SNX10: variants seen among roughly 807,000 people sequenced by gnomAD.
SNX10 encodes sorting nexin-10.
In SNX10, 25 loss-of-function variants were observed where a neutral mutation model predicts 28.5. The observed-to-expected ratio is 0.88, with a 90% confidence interval of 0.64 to 1.22. The LOEUF (loss-of-function observed/expected upper bound fraction) is 1.22, where lower values mean the gene tolerates loss of function less well. Ranked by LOEUF, SNX10 falls within the 50% of genes most tolerant of loss-of-function variation. The pLI, the probability that SNX10 is intolerant of heterozygous loss-of-function variation, is 0.00. For synonymous variants in SNX10, 62 were observed against 81.4 expected, an observed-to-expected ratio of 0.76 and a Z score of 1.28; for missense variants, 223 against 242.6, an observed-to-expected ratio of 0.92 and a Z score of 0.54.
chr7:26,308,843 A>T (rs532148149), intron 1 of SNX10, among the ~76,000 whole-genome samples: 1 of 152,208 alleles, frequency 6.6e-6, no homozygotes, highest in Admixed American at 6.5e-5. Flanking sequence ...CTGGGATCTG[A>T]TAATGTCCCC....
rs1280501605 is a variant in SNX10 at position 26,291,991 on chromosome 7, C to CGCCGCTGCCGCTGCCGCCGCCGCT, written c.-108_-107insTGCCGCCGCCGCTGCCGCTGCCGC. The CGCCGCTGCCGCTGCCGCCGCCGCT allele has an allele frequency of 6.9e-6, 1 of 145,648 alleles. No homozygotes were observed. Among genetic ancestry groups the CGCCGCTGCCGCTGCCGCCGCCGCT allele is most frequent in the African/African-American group, 2.5e-5 (1 of 40,660 alleles). 9.0% of individuals were successfully genotyped at this position (145,648 alleles called of 1,614,324 possible). On this transcript the variant is annotated 5_prime_UTR_variant, in exon 1 of 7. Transcript: ENST00000338523. Reference sequence around the variant, plus strand: ...GTGTGCGCTCCTGGGCGCTCGCCGCCGCCGCTGCCGCCGCGCGCCTTTGAG... The same window carrying CGCCGCTGCCGCTGCCGCCGCCGCT: ...GTGTGCGCTCCTGGGCGCTCGCCGCCGCCGCTGCCGCTGCCGCCGCCGCTGCCGCTGCCGCCGCGCGCCTTTGAG...
In SNX10 at chr7:26,308,967, A is replaced by G. The variant is rs180995730; in HGVS notation, c.-24+16881A>G. 2.5e-3 allele frequency among the ~76,000 whole-genome samples: 383 copies of G among 152,242 alleles called. 3 individuals carry two copies. Among genetic ancestry groups the G allele is most frequent in the Non-Finnish European group, 3.8e-3 (257 of 68,012 alleles). ...AGTCCCCACACACTTGGTCACAGCA[A>G]TCTTCTATGTTGATCGATTGTCTTT... On this transcript the variant is annotated intron_variant, in intron 1 of 6. Transcript: ENST00000338523.
At chr7:26,362,852 C>T (rs1381374969) in intron 3 of SNX10, among the ~76,000 whole-genome samples, 2 of 152,124 alleles carry the variant, frequency 1.3e-5, no homozygotes, top group African/African-American at 4.8e-5. Flanking sequence ...TAAATACTCC[C>T]CTGAACCTGC....
intron 1 of SNX10, among the ~76,000 whole-genome samples, chr7:26,338,404 A>G (rs1193149201): frequency 6.6e-6 from 1 of 151,184 alleles, no homozygotes; most frequent in Non-Finnish European, 1.5e-5. Flanking sequence ...ATTTACGCAG[A>G]CCCCGCTGTG....
intron 1 of SNX10, among the ~76,000 whole-genome samples, chr7:26,299,549 G>T (rs1276488859): frequency 6.6e-6 from 1 of 151,108 alleles, no homozygotes; most frequent in Non-Finnish European, 1.5e-5. Flanking sequence ...TTCTGCCTTA[G>T]CCTCCCCAGT....
At chr7:26,344,222 A>G (rs1788292510) in intron 1 of SNX10, among the ~76,000 whole-genome samples, 2 of 132,852 alleles carry the variant, frequency 1.5e-5, no homozygotes, top group Admixed American at 8.8e-5. Flanking sequence ...CTCAAGCTGG[A>G]GTGCAGTAGC....
chr7:26,333,601 G>A (rs1415260136), intron 1 of SNX10, among the ~76,000 whole-genome samples: 1 of 152,166 alleles, frequency 6.6e-6, no homozygotes, highest in African/African-American at 2.4e-5. Flanking sequence ...TGGGATTACA[G>A]GCGTGAGCCA....
intron 2 of SNX10, among the ~76,000 whole-genome samples, chr7:26,354,790 G>A (rs1269804247): frequency 6.6e-6 from 1 of 152,152 alleles, no homozygotes; most frequent in Non-Finnish European, 1.5e-5. Flanking sequence ...CTTATTCACG[G>A]CATCTTTTGC....
chr7:26,296,500 A>G (rs1206251022), intron 1 of SNX10, among the ~76,000 whole-genome samples: 1 of 152,194 alleles, frequency 6.6e-6, no homozygotes, highest in Non-Finnish European at 1.5e-5. Context: ...TCGGTGACAC[A>G]GTGAGACCCC....
chr7:26,364,331 T>G lies in SNX10; in HGVS notation c.112-204T>G. The G allele has an allele frequency of 7.7e-7, 1 of 1,292,732 alleles. No individual in the cohort carries two copies. Among genetic ancestry groups the G allele is most frequent in the Non-Finnish European group, 9.8e-7 (1 of 1,019,816 alleles). 80.1% of individuals were successfully genotyped at this position (1,292,732 alleles called of 1,614,324 possible). On this transcript the variant is annotated intron_variant, in intron 3 of 6. Transcript: ENST00000338523. The surrounding 1 kb of genome is among the most constrained non-coding windows in gnomAD (Gnocchi z 4.9). ...TACCTCACCCTGGGGCAACACTGCT[T>G]ATTTCCATCATCCTGGCTGTCTTCA...
intron 1 of SNX10, among the ~76,000 whole-genome samples, chr7:26,292,337 T>C (rs553995040): frequency 6.6e-6 from 1 of 152,332 alleles, no homozygotes; most frequent in Non-Finnish European, 1.5e-5. Flanking sequence ...CCAGGGATTC[T>C]TGGCTAAAAA....
intron 3 of SNX10, among the ~76,000 whole-genome samples, chr7:26,363,194 G>A (rs1032482968): frequency 3.3e-5 from 5 of 152,118 alleles, no homozygotes; most frequent in Admixed American, 6.5e-5. Context: ...TCCTTCCAGC[G>A]GGTTTTGCTG....
chr7:26,304,011 C>G (rs910054913), intron 1 of SNX10, among the ~76,000 whole-genome samples: 2 of 152,210 alleles, frequency 1.3e-5, no homozygotes, highest in African/African-American at 4.8e-5. Context: ...ATCCTCTCCC[C>G]AGTTTTGTAA....
chr7:26,331,842 G>A (rs1478299999), intron 1 of SNX10, among the ~76,000 whole-genome samples: 1 of 152,198 alleles, frequency 6.6e-6, no homozygotes, highest in Non-Finnish European at 1.5e-5. Flanking sequence ...GGACTTTCAT[G>A]TGAATGGAGT....
chr7:26,323,375 T>G (rs1251577794), intron 1 of SNX10, among the ~76,000 whole-genome samples: 2 of 152,090 alleles, frequency 1.3e-5, no homozygotes, highest in African/African-American at 4.8e-5. Flanking sequence ...AGGACACAGC[T>G]AAAAAACAGT....
intron 1 of SNX10, among the ~76,000 whole-genome samples, chr7:26,331,562 G>A (rs1787748758): frequency 6.6e-6 from 1 of 152,024 alleles, no homozygotes; most frequent in South Asian, 2.1e-4. Flanking sequence ...CTCCAGCCTG[G>A]GTGACAAAGC....
At chr7:26,362,726 A>C (rs1789127892) in intron 3 of SNX10, among the ~76,000 whole-genome samples, 1 of 152,232 alleles carries the variant, frequency 6.6e-6, no homozygotes, top group Non-Finnish European at 1.5e-5. Flanking sequence ...GAGGTAGAGA[A>C]GCTGGTCTTT....
At chr7:26,318,325 G>T (rs1211270625) in intron 1 of SNX10, among the ~76,000 whole-genome samples, 1 of 151,934 alleles carries the variant, frequency 6.6e-6, no homozygotes, top group African/African-American at 2.4e-5. Flanking sequence ...TTGTCTCTCT[G>T]GTCTGTGAAG....
At chr7:26,296,045 G>A (rs1043146643) in intron 1 of SNX10, among the ~76,000 whole-genome samples, 2 of 152,190 alleles carry the variant, frequency 1.3e-5, no homozygotes, top group African/African-American at 4.8e-5. Flanking sequence ...TGAGGTGGGA[G>A]GATCGCTTGA....
Sources: allele counts gnomAD v4.1 joint callset (sites outside exome capture counted in the v4.1 genomes callset), GRCh38; gene constraint gnomAD v4.1.1; non-coding constraint Gnocchi (gnomAD v3.1); transcripts MANE v1.5; gene names NCBI Gene and HGNC (gene_info 2026-07-23, HGNC 2026-07-21).